Variants in LIMK2 observed in about 807,000 individuals in gnomAD.
LIMK2 encodes LIM domain kinase 2.
LIMK2 carries 35 observed loss-of-function variants against 75.7 expected under a neutral mutation model. The ratio of observed to expected loss-of-function variants is 0.46; its 90% CI spans 0.35 to 0.61. The LOEUF (loss-of-function observed/expected upper bound fraction) is 0.61. Ranked by LOEUF, LIMK2 falls within the 20% of genes least tolerant of loss-of-function variation. The pLI, the probability that LIMK2 is intolerant of heterozygous loss-of-function variation, is 0.00. For synonymous variants in LIMK2, 301 were observed against 319.2 expected, an observed-to-expected ratio of 0.94 and a Z score of 0.61; for missense variants, 623 against 831.0, an observed-to-expected ratio of 0.75 and a Z score of 3.08.
intron 1 of LIMK2, 38 bp from the exon 2 acceptor site, chr22:31,225,682 C>A: frequency 6.6e-7 from 1 of 1,508,360 alleles, no homozygotes; most frequent in Non-Finnish European, 9.2e-7. Context: ...TTGCCTCCTG[C>A]TACTTTGGGC....
At chr22:31,256,574 A>C (rs2048784652) in intron 2 of LIMK2, among the ~76,000 whole-genome samples, 1 of 149,402 alleles carries the variant, frequency 6.7e-6, no homozygotes, top group Non-Finnish European at 1.5e-5. Flanking sequence ...TCCTGACTTC[A>C]AGTGATCCAC....
At chr22:31,270,373 T>TCAGG (rs762992894) in intron 11 of LIMK2, among the ~76,000 whole-genome samples, 25 of 152,120 alleles carry the variant, frequency 1.6e-4, no homozygotes, top group Non-Finnish European at 3.2e-4. Flanking sequence ...GAGCACTCCC[T>TCAGG]CAGGCAGGCA....
chr22:31,266,063 G>C lies in LIMK2; in HGVS notation c.972G>C (p.Gln324His). Residue 324 changes from glutamine (Q) to histidine (H), a missense_variant, in exon 8 of 16, where the codon CAG becomes CAC. Physicochemically the swap from Gln to His is conservative, Grantham distance 24. This residue lies in a region of LIMK2 where 514 missense variants were observed against 661.3 expected (regional missense o/e 0.78). Coordinates refer to ENST00000331728, the MANE Select transcript of LIMK2 (RefSeq NM_005569.4). The part of the protein sequence containing the change: ...SLRCSSSYSQ[Q>H]IFRPCDLIHG... ...GTTGTTCCAGCAGCTATTCACAGCA[G>C]ATCTTCCGGCCCTGTGACCTAATCC... 1 of 1,614,220 alleles carries C rather than the reference G, an allele frequency of 6.2e-7. No individual in the cohort carries two copies. The highest frequency in any genetic ancestry group is 8.5e-7 in the Non-Finnish European group (1 of 1,180,032).
In LIMK2 at chr22:31,262,464, G is replaced by A. The variant is rs139285313; in HGVS notation, c.658-131G>A. 3.3e-6 allele frequency: 3 copies of A among 913,472 alleles called. No individual in the cohort carries two copies. Among genetic ancestry groups the A allele is most frequent in the Non-Finnish European group, 5.1e-6 (3 of 587,000 alleles). The allele number at this position is 913,472 out of a possible 1,614,324, so 56.6% of individuals were successfully genotyped here. A position where few individuals can be genotyped will look rare whatever the true frequency, so the allele number is the denominator to read the frequency against. On this transcript the variant is annotated intron_variant, in intron 6 of 15. Transcript: ENST00000331728. The surrounding 1 kb of genome is among the most constrained non-coding windows in gnomAD (Gnocchi z 5.0). Reference sequence around the variant, plus strand: ...GATGCCAGGCAGAGGGCACTGTGAGGCCACTGGCAGCTAAAGGCCACCATT... The same window carrying A: ...GATGCCAGGCAGAGGGCACTGTGAGACCACTGGCAGCTAAAGGCCACCATT...
In LIMK2 at chr22:31,262,813, C is replaced by G. The variant is rs771148816; in HGVS notation, c.854+22C>G. 3.1e-5 allele frequency: 48 copies of G among 1,545,558 alleles called. No individual in the cohort carries two copies. Among genetic ancestry groups the G allele is most frequent in the Middle Eastern group, 1.7e-4 (1 of 5,870 alleles). The stretch of plus-strand genomic sequence containing the variant: ...TAAGGTGCCACCTCCCACCCTGGCT[C>G]TGTTCTGTCCTATGTCTGTCTCTCG... On this transcript the variant is annotated intron_variant, in intron 7 of 15. Coordinates refer to ENST00000331728, the MANE Select transcript of LIMK2 (RefSeq NM_005569.4). The surrounding 1 kb of genome is among the most constrained non-coding windows in gnomAD (Gnocchi z 5.0).
At chr22:31,245,090 G>T (rs529033481) in intron 2 of LIMK2, among the ~76,000 whole-genome samples, 1 of 152,238 alleles carries the variant, frequency 6.6e-6, no homozygotes, top group African/African-American at 2.4e-5. Context: ...GTGAGCACCT[G>T]TTCAGTGCTT....
At chr22:31,238,630 T>TC (rs2048600097) in intron 2 of LIMK2, among the ~76,000 whole-genome samples, 1 of 152,170 alleles carries the variant, frequency 6.6e-6, no homozygotes, top group South Asian at 2.1e-4. Flanking sequence ...CTCTGGGTGG[T>TC]CCACCAGTCA....
chr22:31,265,204 A>AAAG (rs2048881577), intron 7 of LIMK2, among the ~76,000 whole-genome samples: 2 of 149,270 alleles, frequency 1.3e-5, no homozygotes, highest in African/African-American at 2.5e-5. Context: ...AAAAAAAAAA[A>AAAG]AAAAAAAAAA....
Position 31,277,204 on chromosome 22 carries a change from A to T in LIMK2, c.1773-1093A>T. The T allele has an allele frequency of 1.9e-6, 3 of 1,608,226 alleles. No homozygotes were observed. The South Asian group carries it at 3.3e-5, about 18-fold the overall frequency. On this transcript the variant is annotated intron_variant, in intron 15 of 15. Transcript: ENST00000331728. ...AATCGCTACCCCCCGACCTCGTAGCAACAGCAATACCGGGGGACCCTGCGG... is the reference window on the plus strand; with the variant it reads ...AATCGCTACCCCCCGACCTCGTAGCTACAGCAATACCGGGGGACCCTGCGG...
At chr22:31,277,873 C>T (rs5997937) in intron 15 of LIMK2, among the ~76,000 whole-genome samples, 36,964 of 151,878 alleles carry the variant, frequency 0.24, 6,485 homozygotes, top group African/African-American at 0.5. Flanking sequence ...TAAATATGGT[C>T]GTCAGAGCAG....
rs958401960 is a variant in LIMK2, at chr22:31,259,872, CT to C, written c.363-16del. ...TGGGACTCTAGCATCTTATTCCCCC[CT>C]GTGCCCTCTCCCCAGTGGGAAGTGC... On this transcript the variant is annotated splice_polypyrimidine_tract_variant and intron_variant, in intron 4 of 15. Transcript: ENST00000331728. The C allele has an allele frequency of 3.8e-6, 6 of 1,596,448 alleles. No homozygotes were observed. The highest frequency in any genetic ancestry group is 2.3e-5 in the East Asian group (1 of 43,992).
At chr22:31,218,129 A>G (rs1282138701) in intron 1 of LIMK2, among the ~76,000 whole-genome samples, 1 of 152,246 alleles carries the variant, frequency 6.6e-6, no homozygotes, top group Admixed American at 6.5e-5. Flanking sequence ...GCCTGGCACC[A>G]TGGGAGATAT....
chr22:31,276,715 G>T (rs1160081277), intron 15 of LIMK2: 8 of 1,411,230 alleles, frequency 5.7e-6, no homozygotes, highest in African/African-American at 1.5e-5. Flanking sequence ...ACCGCGGGGG[G>T]CGCGGCGTTG....
rs34428618 is a variant in LIMK2, at chr22:31,238,114, CA to C, written c.116+12313del. On this transcript the variant is annotated intron_variant, in intron 2 of 15. Transcript: ENST00000331728. ...TGGGTGACAGAGGGAGACACTGTCT[CA>C]AAAAAAAAAAAAAAAAACCAAAACC... is the stretch of plus-strand genomic sequence containing the variant. Among the ~76,000 whole-genome samples, 120 of 80,532 alleles carry C rather than the reference CA, an allele frequency of 1.5e-3. 1 individual carries two copies. The highest frequency in any genetic ancestry group is 3.3e-3 in the South Asian group (8 of 2,454). The allele number at this position is 80,532 out of a possible 152,430, so 52.8% of individuals were successfully genotyped here. A position where few individuals can be genotyped will look rare whatever the true frequency, so the allele number is the denominator to read the frequency against.
intron 11 of LIMK2, among the ~76,000 whole-genome samples, chr22:31,269,286 C>CTTT (rs796361643): frequency 7.4e-4 from 71 of 95,446 alleles, no homozygotes; most frequent in African/African-American, 1.2e-3. Flanking sequence ...ATTTTTTTTT[C>CTTT]TTTTTTTTTT....
rs1338922570 is a variant in LIMK2 at position 31,212,318 on chromosome 22, G to A, written c.-91G>A. 5 of 1,265,014 alleles carry A rather than the reference G, an allele frequency of 4.0e-6. No homozygotes were observed. The highest frequency in any genetic ancestry group is 3.3e-5 in the South Asian group (1 of 29,862). 78.4% of individuals were successfully genotyped at this position (1,265,014 alleles called of 1,614,324 possible). On this transcript the variant is annotated 5_prime_UTR_variant, in exon 1 of 16. Transcript: ENST00000331728. Reference sequence around the variant, plus strand: ...CTGTGGTCTTCCCGCGCCTGAGGCGGCGGCGGCAGGAGCTGAGGGGAGTTG... The same window carrying A: ...CTGTGGTCTTCCCGCGCCTGAGGCGACGGCGGCAGGAGCTGAGGGGAGTTG...
rs1449825045 is a variant in LIMK2 at position 31,278,490 on chromosome 22, C to G, written c.*49C>G. On this transcript the variant is annotated 3_prime_UTR_variant, in exon 16 of 16. Transcript: ENST00000331728. Reference sequence around the variant, plus strand: ...GGGTGTTCTACAGCCAGCATTGCCCCTCTGTGCCCCATTCCTGCTGTGAGC... The same window carrying G: ...GGGTGTTCTACAGCCAGCATTGCCCGTCTGTGCCCCATTCCTGCTGTGAGC... 6.5e-7 allele frequency: 1 copy of G among 1,536,932 alleles called. No individual in the cohort carries two copies. The highest frequency in any genetic ancestry group is 1.4e-5 in the African/African-American group (1 of 72,792).
chr22:31,234,041 CT>C (rs2048550385), intron 2 of LIMK2, among the ~76,000 whole-genome samples: 1 of 152,018 alleles, frequency 6.6e-6, no homozygotes, highest in South Asian at 2.1e-4. Flanking sequence ...TAGACAGAGT[CT>C]CACTCTGTTC....
At chr22:31,251,119 A>G (rs2048721546) in intron 2 of LIMK2, among the ~76,000 whole-genome samples, 1 of 152,248 alleles carries the variant, frequency 6.6e-6, no homozygotes, top group Non-Finnish European at 1.5e-5. Flanking sequence ...AGTGAGCTGC[A>G]ATTACCACTG....
Sources: allele counts gnomAD v4.1 joint callset (sites outside exome capture counted in the v4.1 genomes callset), GRCh38; gene constraint gnomAD v4.1.1; regional missense constraint gnomAD v4.1.1; non-coding constraint Gnocchi (gnomAD v3.1); transcripts MANE v1.5; gene names NCBI Gene and HGNC (gene_info 2026-07-23, HGNC 2026-07-21).